Variants in PHACTR1 observed in about 807,000 individuals in gnomAD.
The protein encoded by PHACTR1 is RPEL repeat containing 1.
PHACTR1 carries 16 observed loss-of-function variants against 69.2 expected under a neutral mutation model. The ratio of observed to expected loss-of-function variants is 0.23; its 90% CI spans 0.16 to 0.35. The LOEUF (loss-of-function observed/expected upper bound fraction) is 0.35. PHACTR1 is among the 10% of genes least tolerant of loss of function. The pLI is 1.00. For missense variants in PHACTR1, 510 were observed against 734.7 expected (o/e 0.69, Z 3.54); for synonymous variants, 312 against 284.5 (o/e 1.10, Z -0.97).
At chr6:12,724,282 G>A (rs887064408) in intron 3 of PHACTR1, among the ~76,000 whole-genome samples, 3 of 152,008 alleles carry the variant, frequency 2.0e-5, no homozygotes, top group African/African-American at 4.8e-5. Flanking sequence ...AACCGAGATC[G>A]CACCATTGCA....
In PHACTR1 at chr6:12,974,232, T is replaced by C. The variant is rs116150264; in HGVS notation, c.251-79133T>C. Among the ~76,000 whole-genome samples the C allele has an allele frequency of 4.0e-3, 611 of 152,210 alleles. 7 individuals carry two copies. Among genetic ancestry groups the C allele is most frequent in the African/African-American group, 0.014 (568 of 41,502 alleles). ...ACCGTGCCTGGCCAGGAGTGTGAGA[T>C]TTTTTAAGCTCCTTTTCAGAGTTTC... On this transcript the variant is annotated intron_variant, in intron 4 of 14. Transcript: ENST00000332995.
chr6:13,191,045 T>A (rs1351648641), intron 7 of PHACTR1, among the ~76,000 whole-genome samples: 1 of 152,146 alleles, frequency 6.6e-6, no homozygotes, highest in Non-Finnish European at 1.5e-5. Flanking sequence ...AATTTCATTA[T>A]GTGTCTCTGT....
At chr6:12,932,178 A>G (rs1224619480) in intron 4 of PHACTR1, among the ~76,000 whole-genome samples, 1 of 152,180 alleles carries the variant, frequency 6.6e-6, no homozygotes, top group East Asian at 1.9e-4. Flanking sequence ...CCTGCTACTG[A>G]GGCCATTACC....
At chr6:13,103,309 GAT>G (rs1815490493) in intron 5 of PHACTR1, among the ~76,000 whole-genome samples, 2 of 152,124 alleles carry the variant, frequency 1.3e-5, no homozygotes, top group African/African-American at 4.8e-5. Context: ...AATAGCTTTG[GAT>G]ATAGGTGGTA....
intron 4 of PHACTR1, among the ~76,000 whole-genome samples, chr6:12,940,382 G>A (rs920115470): frequency 1.3e-5 from 2 of 152,204 alleles, no homozygotes; most frequent in Non-Finnish European, 2.9e-5. Context: ...ACTCATGAGA[G>A]CCTGCATATG....
chr6:12,889,942 C>G (rs745783793), intron 4 of PHACTR1, among the ~76,000 whole-genome samples: 1 of 152,016 alleles, frequency 6.6e-6, no homozygotes, highest in Non-Finnish European at 1.5e-5. Flanking sequence ...TCCAGGGCAC[C>G]CTCAAATCAC....
intron 3 of PHACTR1, among the ~76,000 whole-genome samples, chr6:12,736,942 C>T (rs528497205): frequency 7.2e-5 from 11 of 152,028 alleles, no homozygotes; most frequent in Admixed American, 2.0e-4. Flanking sequence ...TACATACGCA[C>T]ATAAAATATA....
chr6:13,111,453 T>A (rs75850529), intron 5 of PHACTR1, among the ~76,000 whole-genome samples: 2,007 of 152,290 alleles, frequency 0.013, 51 homozygotes, highest in African/African-American at 0.046. Flanking sequence ...TTTTATAATA[T>A]CAAATAGTAG....
intron 11 of PHACTR1, 83 bp downstream of exon 11, chr6:13,272,998 C>T: frequency 4.4e-5 from 69 of 1,561,402 alleles, no homozygotes; most frequent in Non-Finnish European, 5.9e-5. Flanking sequence ...AGGTTTCTAC[C>T]TTGCGCCTCT....
At chr6:13,046,970 A>G (rs551775831) in intron 4 of PHACTR1, among the ~76,000 whole-genome samples, 6 of 152,232 alleles carry the variant, frequency 3.9e-5, no homozygotes, top group Non-Finnish European at 8.8e-5. Flanking sequence ...CTGATAATTC[A>G]TATCAACCCT....
intron 3 of PHACTR1, 153 bp from the exon 4 acceptor site, chr6:12,749,481 CCCTTTTTTTT>C (rs754511999): frequency 1.6e-4 from 109 of 674,344 alleles, no homozygotes; most frequent in Non-Finnish European, 9.4e-5. Context: ...CTTTCTCTCT[CCCTTTTTTTT>C]CCTTTTTCCC....
In PHACTR1 at chr6:13,190,198, A is replaced by ATTTTTTTTTTTTTTT. The variant is rs1215055032; in HGVS notation, c.664+7514_664+7528dup. On this transcript the variant is annotated intron_variant, in intron 7 of 14. Coordinates refer to ENST00000332995, the MANE Select transcript of PHACTR1 (RefSeq NM_030948.6). The stretch of plus-strand genomic sequence containing the variant: ...GCCACTATGCTCAGCTAATTTTTGT[A>ATTTTTTTTTTTTTTT]TTTTTTTTTTTTTTTTAGTAGAGGT... Among the ~76,000 whole-genome samples the ATTTTTTTTTTTTTTT allele has an allele frequency of 5.9e-3, 517 of 87,178 alleles. 75 individuals carry two copies. The highest frequency in any genetic ancestry group is 0.019 in the South Asian group (53 of 2,768). The allele number at this position is 87,178 out of a possible 152,430, so 57.2% of individuals were successfully genotyped here.
chr6:13,029,955 G>A (rs1303973180), intron 4 of PHACTR1, among the ~76,000 whole-genome samples: 3 of 152,192 alleles, frequency 2.0e-5, no homozygotes, highest in South Asian at 2.1e-4. Flanking sequence ...CTAGTTGTGC[G>A]ACCTTCTCAG....
intron 5 of PHACTR1, among the ~76,000 whole-genome samples, chr6:13,092,738 T>C (rs757403588): frequency 3.3e-5 from 5 of 152,098 alleles, no homozygotes; most frequent in Admixed American, 6.5e-5. Context: ...AAACCAAGAA[T>C]GTAGGAAGCC....
At chr6:12,930,360 G>A (rs1788732551) in intron 4 of PHACTR1, among the ~76,000 whole-genome samples, 1 of 152,164 alleles carries the variant, frequency 6.6e-6, no homozygotes, top group South Asian at 2.1e-4. Context: ...ATTTTTTTGG[G>A]TGTGTGGAGA....
intron 7 of PHACTR1, among the ~76,000 whole-genome samples, chr6:13,202,409 A>G (rs1765355472): frequency 6.6e-6 from 1 of 150,922 alleles, no homozygotes; most frequent in Admixed American, 6.6e-5. Flanking sequence ...ATGAAGGACT[A>G]TGGGTTAAGG....
At chr6:12,859,439 G>A (rs886526897) in intron 4 of PHACTR1, among the ~76,000 whole-genome samples, 1 of 152,076 alleles carries the variant, frequency 6.6e-6, no homozygotes, top group Non-Finnish European at 1.5e-5. Context: ...ATACATATTG[G>A]TAGTTTTCAC....
chr6:13,283,453 G>A lies in PHACTR1; in HGVS notation c.1541G>A (p.Arg514Gln), dbSNP rs945304763. Residue 514 changes from arginine to glutamine, a missense_variant, in exon 13 of 15, where the codon CGG (arginine) becomes CAG (glutamine). Physicochemically the swap from Arg to Gln is conservative, Grantham distance 43. This residue lies in a region of PHACTR1 where 91 missense variants were observed against 203.8 expected (regional missense o/e 0.45). Transcript: ENST00000332995. This position sits in a 1 kb window ranked among gnomAD's most constrained non-coding sequence, Gnocchi z 4.7. Reference protein sequence around the residue: ...LSQRPTVEELRERKILIRFSD... With the variant: ...LSQRPTVEELQERKILIRFSD... ...CAAAGGCCCACGGTGGAAGAGCTTC[G>A]GGAAAGAAAGATCCTCATCCGCTTC... The A allele has an allele frequency of 1.2e-6, 2 of 1,613,790 alleles. No individual in the cohort carries two copies. Among genetic ancestry groups the A allele is most frequent in the Non-Finnish European group, 1.7e-6 (2 of 1,179,816 alleles).
At chr6:12,781,213 G>A (rs1189407151) in intron 4 of PHACTR1, among the ~76,000 whole-genome samples, 2 of 152,116 alleles carry the variant, frequency 1.3e-5, no homozygotes, top group Non-Finnish European at 2.9e-5. Context: ...ATCCCCTGCT[G>A]AGCTTCTCCT....
Sources: gnomAD v4.1 joint callset for allele counts (sites outside exome capture counted in the v4.1 genomes callset) on GRCh38, gnomAD v4.1.1 for gene constraint, gnomAD v4.1.1 regional missense constraint, Gnocchi (gnomAD v3.1) non-coding constraint, MANE v1.5 for transcripts, NCBI Gene and HGNC (gene_info 2026-07-23, HGNC 2026-07-21) for gene names.